The following CEP83 variants were observed in gnomAD, a reference collection of about 807,000 sequenced individuals.
The protein encoded by CEP83 is centrosomal protein of 83 kDa.
CEP83 carries 70 observed loss-of-function variants against 101.9 expected under a neutral mutation model. The observed-to-expected ratio is 0.69, with a 90% CI of 0.57 to 0.84. CEP83 has a LOEUF of 0.84. CEP83 is among the 40% of genes least tolerant of loss of function. The pLI is 0.00. For missense variants in CEP83, 715 were observed against 787.2 expected (o/e 0.91, Z 1.10); for synonymous variants, 264 against 267.9 (o/e 0.99, Z 0.14).
chr12:94,351,969 T>A (rs2060218569), intron 11 of CEP83, among the ~76,000 whole-genome samples: 1 of 152,220 alleles, frequency 6.6e-6, no homozygotes, highest in Admixed American at 6.5e-5. Flanking sequence ...ATATGGAGAC[T>A]ACATTACTGT....
chr12:94,292,086 T>C, the CEP83 span, among the ~76,000 whole-genome samples: 1 of 152,242 alleles, frequency 6.6e-6, no homozygotes, highest in Non-Finnish European at 1.5e-5. Context: ...CAATTTTTGG[T>C]AGTATATTCA....
intron 2 of CEP83, chr12:94,424,688 T>C: frequency 6.2e-7 from 1 of 1,611,692 alleles, no homozygotes; most frequent in Admixed American, 1.7e-5. Context: ...TTTACATTTG[T>C]TTGTGGTCTT....
At chr12:94,458,507 G>C (rs571500927) in intron 1 of CEP83, among the ~76,000 whole-genome samples, 1 of 152,096 alleles carries the variant, frequency 6.6e-6, no homozygotes, top group Non-Finnish European at 1.5e-5. Flanking sequence ...GGGAGGCCGA[G>C]GTGGGCGGAT....
At chr12:94,298,664 T>C in the CEP83 span, 3 of 1,603,026 alleles carry the variant, frequency 1.9e-6, no homozygotes, top group Non-Finnish European at 1.7e-6. Context: ...AAAAACTTTT[T>C]AGAAGCATTT....
chr12:94,356,545 G>A (rs893412066), intron 11 of CEP83, among the ~76,000 whole-genome samples: 1 of 152,170 alleles, frequency 6.6e-6, no homozygotes, highest in Non-Finnish European at 1.5e-5. Context: ...CTAGACAAGA[G>A]GGTGATTTAG....
At chr12:94,298,748 CA>C in the CEP83 span, 1 of 1,611,700 alleles carries the variant, frequency 6.2e-7, no homozygotes, top group Non-Finnish European at 8.5e-7. Flanking sequence ...AGGCTGAAAA[CA>C]AAAAAATCAC....
At chr12:94,434,308 T>C (rs973154193) in intron 2 of CEP83, among the ~76,000 whole-genome samples, 3 of 152,132 alleles carry the variant, frequency 2.0e-5, no homozygotes, top group Non-Finnish European at 2.9e-5. Flanking sequence ...AACAAAAAAA[T>C]GTTTATACAC....
chr12:94,343,646 C>T (rs1435928694), intron 11 of CEP83, among the ~76,000 whole-genome samples: 2 of 149,932 alleles, frequency 1.3e-5, no homozygotes, highest in African/African-American at 2.5e-5. Context: ...CCCGCCACCG[C>T]GCCCGGCTAA....
chr12:94,425,201 T>C (rs2065103630), intron 2 of CEP83, among the ~76,000 whole-genome samples: 1 of 152,140 alleles, frequency 6.6e-6, no homozygotes, highest in African/African-American at 2.4e-5. Flanking sequence ...TCAGCTGCCA[T>C]GGACCCTCAG....
the CEP83 span, among the ~76,000 whole-genome samples, chr12:94,296,358 C>T: frequency 1.3e-5 from 2 of 152,102 alleles, no homozygotes; most frequent in African/African-American, 4.8e-5. Flanking sequence ...AATGAGGTCT[C>T]GCTACATTGT....
At chr12:94,371,768 T>C (rs1010124236) in intron 8 of CEP83, among the ~76,000 whole-genome samples, 1 of 152,306 alleles carries the variant, frequency 6.6e-6, no homozygotes, top group East Asian at 1.9e-4. Context: ...AAGTGTCTTA[T>C]TGGAAGATAT....
the CEP83 span, among the ~76,000 whole-genome samples, chr12:94,296,986 A>G: frequency 2.0e-5 from 3 of 152,116 alleles, no homozygotes; most frequent in Non-Finnish European, 4.4e-5. Flanking sequence ...TCCTCCTCCA[A>G]TCCCTCACCC....
chr12:94,299,215 A>G, the CEP83 span, among the ~76,000 whole-genome samples: 1 of 152,204 alleles, frequency 6.6e-6, no homozygotes, highest in South Asian at 2.1e-4. Flanking sequence ...AAATTTATCA[A>G]GTGCAGTACT....
chr12:94,323,062 C>T (rs1051635115), intron 14 of CEP83, among the ~76,000 whole-genome samples: 1 of 152,220 alleles, frequency 6.6e-6, no homozygotes, highest in African/African-American at 2.4e-5. Context: ...GGAGCTCCAT[C>T]TCAGAGAGGT....
chr12:94,331,888 T>C, intron 13 of CEP83, 59 bp from the exon 14 acceptor site: 2 of 1,508,266 alleles, frequency 1.3e-6, no homozygotes, highest in Non-Finnish European at 1.8e-6. Context: ...ATTAAATAGA[T>C]ATTATCACAA....
chr12:94,307,707 T>TATA lies in CEP83; in HGVS notation c.*1103_*1105dup, dbSNP rs1476280677. 6.6e-6 allele frequency: 1 copy of TATA among 151,910 alleles called. No homozygotes were observed. The highest frequency in any genetic ancestry group is 2.4e-5 in the African/African-American group (1 of 41,368). The allele number at this position is 151,910 out of a possible 1,614,324, so 9.4% of individuals were successfully genotyped here. On this transcript the variant is annotated 3_prime_UTR_variant, in exon 17 of 17. Transcript: ENST00000397809. ...CTTTTTTTTTTTTCAATTTTCTAGT[T>TATA]ATAATAGTTTTTTTATTCTAAGTGG...
chr12:94,293,795 T>A, the CEP83 span, among the ~76,000 whole-genome samples: 152 of 152,058 alleles, frequency 1.0e-3, no homozygotes, highest in Middle Eastern at 6.8e-3. Context: ...ATTAAAAAAA[T>A]TTTTTTTATA....
At chr12:94,273,915 A>T in the CEP83 span, among the ~76,000 whole-genome samples, 1 of 152,046 alleles carries the variant, frequency 6.6e-6, no homozygotes, top group East Asian at 1.9e-4. Context: ...CGGTCCCTAC[A>T]TTCCGTGGTG....
chr12:94,395,594 TG>T (rs2062836066), intron 6 of CEP83, among the ~76,000 whole-genome samples: 1 of 152,070 alleles, frequency 6.6e-6, no homozygotes, highest in Admixed American at 6.6e-5. Context: ...GAGGCCAAGG[TG>T]GGCAGATCAT....
Sources: allele counts gnomAD v4.1 joint callset (sites outside exome capture counted in the v4.1 genomes callset), GRCh38; gene constraint gnomAD v4.1.1; transcripts MANE v1.5; gene names NCBI Gene and HGNC (gene_info 2026-07-23, HGNC 2026-07-21).